ABITRAM: variants seen among roughly 807,000 people sequenced by gnomAD.
ABITRAM encodes the protein protein Abitram.
A neutral mutation model predicts 22.9 loss-of-function variants in ABITRAM; 19 were observed. The ratio of observed to expected loss-of-function variants is 0.83; its 90% CI spans 0.58 to 1.22. The LOEUF (loss-of-function observed/expected upper bound fraction) is 1.22. Ranked by LOEUF, ABITRAM falls within the 50% of genes most tolerant of loss-of-function variation. The probability of loss-of-function intolerance (pLI) is 0.00; values close to 1 mark genes in which losing one functional copy is unlikely to be tolerated. For missense variants in ABITRAM, 215 were observed against 220.2 expected (o/e 0.98, Z 0.15); for synonymous variants, 70 against 73.9 (o/e 0.95, Z 0.27).
rs1248434872 is a variant in ABITRAM, at chr9:108,946,814, T to C, written c.262-3693T>C. Among the ~76,000 whole-genome samples, 3 of 152,304 alleles carry C rather than the reference T, an allele frequency of 2.0e-5. No homozygotes were observed. In the East Asian group the frequency reaches 5.8e-4, roughly 29 times the overall value. ...CAGTTTGGAGACAATTCATTGAACA[T>C]TGATTTAATGACTAAGCTCACATAG... On this transcript the variant is annotated intron_variant, in intron 3 of 3. Transcript: ENST00000374624.
chr9:108,945,257 A>G (rs1830366392), downstream of ABITRAM, among the ~76,000 whole-genome samples: 1 of 152,224 alleles, frequency 6.6e-6, no homozygotes, highest in Non-Finnish European at 1.5e-5. Flanking sequence ...AGTCCCTTAA[A>G]TAAAACAGTG....
At chr9:108,947,835 A>G (rs940842342) in intron 3 of ABITRAM, among the ~76,000 whole-genome samples, 7 of 152,246 alleles carry the variant, frequency 4.6e-5, no homozygotes, top group African/African-American at 9.6e-5. Context: ...ATCCAATTCA[A>G]TAATGAAGAG....
At chr9:108,947,392 C>T (rs547798989) in intron 3 of ABITRAM, among the ~76,000 whole-genome samples, 3 of 152,096 alleles carry the variant, frequency 2.0e-5, no homozygotes, top group Non-Finnish European at 2.9e-5. Context: ...GGATTACAGG[C>T]GTGAGCCACC....
downstream of ABITRAM, among the ~76,000 whole-genome samples, chr9:108,943,376 G>A (rs1830303534): frequency 6.6e-6 from 1 of 152,134 alleles, no homozygotes; most frequent in Non-Finnish European, 1.5e-5. Flanking sequence ...TCTATTTTGT[G>A]GGCACAAACC....
intron 3 of ABITRAM, among the ~76,000 whole-genome samples, chr9:108,946,847 G>A (rs886666395): frequency 4.6e-5 from 7 of 152,056 alleles, no homozygotes; most frequent in African/African-American, 1.4e-4. Flanking sequence ...TAGGAAGAAG[G>A]TAAGTAGTGG....
In ABITRAM at chr9:108,934,429, C is replaced by T. The variant is rs1830128004; in HGVS notation, c.-58C>T. The stretch of plus-strand genomic sequence containing the variant: ...GCCGGAAGAGCACGCCCAGTCCGGG[C>T]TGCGCGGAGGAAGCGCTGGGGTCCC... On this transcript the variant is annotated 5_prime_UTR_variant, in exon 1 of 6. Coordinates refer to ENST00000322940, the MANE Select transcript of ABITRAM (RefSeq NM_017832.4). 2.0e-6 allele frequency: 3 copies of T among 1,477,468 alleles called. No individual in the cohort carries two copies. The highest frequency in any genetic ancestry group is 1.8e-6 in the Non-Finnish European group (2 of 1,094,726). The allele number at this position is 1,477,468 out of a possible 1,614,324, so 91.5% of individuals were successfully genotyped here. A position where few individuals can be genotyped will look rare whatever the true frequency, so the allele number is the denominator to read the frequency against.
intron 3 of ABITRAM, among the ~76,000 whole-genome samples, chr9:108,946,766 A>G (rs1830415572): frequency 6.6e-6 from 1 of 152,212 alleles, no homozygotes; most frequent in Non-Finnish European, 1.5e-5. Flanking sequence ...TGTTGAATGA[A>G]GTATGCAATT....
intron 1 of ABITRAM, 49 bp from the exon 2 acceptor site, chr9:108,935,589 G>A (rs1318838309): frequency 2.1e-6 from 3 of 1,426,950 alleles, no homozygotes; most frequent in Admixed American, 3.4e-5. Context: ...ACCACATAGT[G>A]GTAGTAAATA....
At chr9:108,942,322 T>C (rs1478377521), downstream of ABITRAM, among the ~76,000 whole-genome samples, 2 of 152,204 alleles carry the variant, frequency 1.3e-5, no homozygotes, top group East Asian at 3.8e-4. Flanking sequence ...TCACACTTGG[T>C]AAACAGAGGG....
chr9:108,934,728 G>T (rs1430709500), intron 1 of ABITRAM, among the ~76,000 whole-genome samples, 163 bp downstream of exon 1: 2 of 152,186 alleles, frequency 1.3e-5, no homozygotes, highest in Non-Finnish European at 2.9e-5. Context: ...AATGGCATTT[G>T]CAAAGACCTG....
chr9:108,947,364 T>G (rs1830437954), intron 3 of ABITRAM, among the ~76,000 whole-genome samples: 1 of 152,058 alleles, frequency 6.6e-6, no homozygotes, highest in Non-Finnish European at 1.5e-5. Flanking sequence ...CCACCCACCT[T>G]GGCCTCCCAA....
chr9:108,943,051 T>C (rs753008875), downstream of ABITRAM: 2 of 1,601,526 alleles, frequency 1.2e-6, no homozygotes, highest in Admixed American at 3.5e-5. Flanking sequence ...CAACCTACAA[T>C]GACAAAAAGC....
At chr9:108,944,885 G>A (rs1233164027), downstream of ABITRAM, among the ~76,000 whole-genome samples, 2 of 152,216 alleles carry the variant, frequency 1.3e-5, no homozygotes, top group Non-Finnish European at 2.9e-5. Flanking sequence ...TGGATAAAAT[G>A]ATCTCAAGGT....
intron 3 of ABITRAM, among the ~76,000 whole-genome samples, chr9:108,949,031 G>C (rs1587942607): frequency 6.6e-6 from 1 of 151,952 alleles, no homozygotes; most frequent in South Asian, 2.1e-4. Flanking sequence ...AAAACTATAA[G>C]GCACTAGAAA....
chr9:108,937,598 G>A (rs1280500980), intron 3 of ABITRAM, among the ~76,000 whole-genome samples: 1 of 152,078 alleles, frequency 6.6e-6, no homozygotes, highest in Non-Finnish European at 1.5e-5. Flanking sequence ...GAAACTAGTG[G>A]ACTTAGAAAA....
intron 3 of ABITRAM, among the ~76,000 whole-genome samples, chr9:108,949,337 C>T (rs1387634476): frequency 1.3e-5 from 2 of 152,264 alleles, no homozygotes; most frequent in East Asian, 3.9e-4. Context: ...AATTCTGACA[C>T]TGAAACAAAA....
At chr9:108,949,598 C>T (rs561563866) in intron 3 of ABITRAM, among the ~76,000 whole-genome samples, 1 of 152,086 alleles carries the variant, frequency 6.6e-6, no homozygotes, top group East Asian at 1.9e-4. Context: ...AATCCCAGCA[C>T]TTTGGGAGGC....
In ABITRAM at chr9:108,934,454, C is replaced by G. The variant is rs1564113618; in HGVS notation, c.-33C>G. 1.3e-6 allele frequency: 2 copies of G among 1,567,418 alleles called. No homozygotes were observed. The highest frequency in any genetic ancestry group is 8.6e-7 in the Non-Finnish European group (1 of 1,159,186). On this transcript the variant is annotated 5_prime_UTR_variant, in exon 1 of 6. Transcript: ENST00000322940. The stretch of plus-strand genomic sequence containing the variant: ...CTGCGCGGAGGAAGCGCTGGGGTCC[C>G]GGAGGGCGGGGGTGGCGGCGCCGGA...
chr9:108,943,712 T>G (rs1035182236), downstream of ABITRAM: 1 of 1,609,412 alleles, frequency 6.2e-7, no homozygotes, highest in African/African-American at 1.3e-5. Flanking sequence ...CCTTTAGAAA[T>G]ACTTTATTCT....
Sources: allele counts gnomAD v4.1 joint callset (sites outside exome capture counted in the v4.1 genomes callset), GRCh38; gene constraint gnomAD v4.1.1; transcripts MANE v1.5; gene names NCBI Gene and HGNC (gene_info 2026-07-23, HGNC 2026-07-21).